The following DARS2 variants were observed in gnomAD, a reference collection of about 807,000 sequenced individuals.
The protein encoded by DARS2 is aspartate--tRNA ligase, mitochondrial.
In DARS2, 63 loss-of-function variants were observed where a neutral mutation model predicts 83.0. The observed-to-expected ratio is 0.76, with a 90% confidence interval of 0.62 to 0.94. DARS2 has a LOEUF of 0.94. DARS2 is among the 40% of genes least tolerant of loss of function. The pLI is 0.00. For missense variants in DARS2, 675 were observed against 774.4 expected, an observed-to-expected ratio of 0.87 and a Z score of 1.52; for synonymous variants, 250 against 269.3, an observed-to-expected ratio of 0.93 and a Z score of 0.70.
intron 14 of DARS2, 56 bp downstream of exon 14, chr1:173,853,623 T>G: frequency 1.3e-6 from 2 of 1,597,124 alleles, no homozygotes; most frequent in Non-Finnish European, 1.7e-6. Flanking sequence ...GGCAAAGAAC[T>G]TCAGACTTCA....
At chr1:173,852,156 GT>G in intron 13 of DARS2, 1 of 985,372 alleles carries the variant, frequency 1.0e-6, no homozygotes, top group African/African-American at 1.7e-5. Context: ...TTATGTAGAC[GT>G]AAATGTAAGA....
Position 173,839,409 on chromosome 1 carries a change from A to C in DARS2, c.883A>C (p.Ser295Arg). 6.2e-7 allele frequency: 1 copy of C among 1,614,174 alleles called. No individual in the cohort carries two copies. Among genetic ancestry groups the C allele is most frequent in the East Asian group, 2.2e-5 (1 of 44,878 alleles). Residue 295 changes from serine (S) to arginine (R), a missense_variant, in exon 10 of 17, where the codon AGT (serine) becomes CGT (arginine). Transcript: ENST00000649689. ...MSFVDQTGIQ[S>R]LIEGLLQYSW... is the part of the protein sequence containing the mutation. Reference sequence around the variant, plus strand: ...ATTTGTAGACCAGACTGGGATCCAGAGTTTAATTGAGGGTTTGCTCCAGTA... The same window carrying C: ...ATTTGTAGACCAGACTGGGATCCAGCGTTTAATTGAGGGTTTGCTCCAGTA...
At chr1:173,856,827 G>A in intron 16 of DARS2, 86 bp downstream of exon 16, 2 of 1,076,656 alleles carry the variant, frequency 1.9e-6, no homozygotes, top group Non-Finnish European at 2.8e-6. Context: ...GGTAGAGGTG[G>A]AAGGATGAGT....
At chr1:173,838,050 G>A in intron 8 of DARS2, 140 bp from the exon 9 acceptor site, 1 of 712,980 alleles carries the variant, frequency 1.4e-6, no homozygotes, top group East Asian at 2.8e-5. Flanking sequence ...TGGGATTATA[G>A]GTATGAGCCG....
intron 4 of DARS2, 44 bp downstream of exon 4, chr1:173,830,805 A>G (rs750298070): frequency 4.9e-5 from 71 of 1,445,224 alleles, no homozygotes; most frequent in Non-Finnish European, 6.3e-5. Context: ...GCTTGTATGC[A>G]TTTGCACCAT....
Position 173,852,155 on chromosome 1 carries a change from C to T in DARS2, c.1345-1194C>T, listed in dbSNP as rs1010065272. ...TCACAATGAAGGTCCGTTATGTAGACGTAAATGTAAGATAGAATGGGCTGC... is the reference window on the plus strand; with the variant it reads ...TCACAATGAAGGTCCGTTATGTAGATGTAAATGTAAGATAGAATGGGCTGC... On this transcript the variant is annotated intron_variant, in intron 13 of 16. Transcript: ENST00000649689. The T allele has an allele frequency of 4.8e-5, 47 of 985,334 alleles. No individual in the cohort carries two copies. In the Middle Eastern group the frequency reaches 2.1e-3, roughly 44 times the overall value. The allele number at this position is 985,334 out of a possible 1,614,324, so 61.0% of individuals were successfully genotyped here.
chr1:173,855,639 A>T (rs1653831021), intron 15 of DARS2, among the ~76,000 whole-genome samples: 2 of 150,866 alleles, frequency 1.3e-5, no homozygotes, highest in South Asian at 2.1e-4. Flanking sequence ...TCATTGTCAA[A>T]CTTTTCAAGA....
In DARS2 at chr1:173,840,956, T is replaced by C; in HGVS notation, c.1111T>C (p.Cys371Arg). The change falls in exon 11 of 17, where the codon TGT (cysteine) becomes CGT (arginine). Residue 371 changes from cysteine (C) to arginine (R), a missense_variant. Coordinates refer to ENST00000649689, the MANE Select transcript of DARS2 (RefSeq NM_018122.5). Reference sequence around the variant, plus strand: ...GCCCCATGGAACTGTGAAAGCCATATGTATCCCTGAAGGAGCAGTAAGTGA... The same window carrying C: ...GCCCCATGGAACTGTGAAAGCCATACGTATCCCTGAAGGAGCAGTAAGTGA... ...SKPHGTVKAI[C>R]IPEGAKYLKR... is the part of the protein sequence containing the mutation. 1 of 1,604,404 alleles carries C rather than the reference T, an allele frequency of 6.2e-7. No individual in the cohort carries two copies.
chr1:173,831,215 CT>C (rs375672090), intron 4 of DARS2, among the ~76,000 whole-genome samples: 219 of 139,072 alleles, frequency 1.6e-3, no homozygotes, highest in East Asian at 1.8e-3. Flanking sequence ...GTGCCTGGCC[CT>C]TTTTTTTTTT....
Position 173,826,731 on chromosome 1 carries a change from C to A in DARS2, c.172C>A (p.Arg58Ser). The change falls in exon 2 of 17, where the codon CGT (arginine) becomes AGT (serine). Residue 58 changes from arginine (R) to serine (S), a missense_variant. Transcript: ENST00000649689. ...CCGGACCAACACATGTGGAGAGTTG[C>A]GTTCGTCTCACTTAGGCCAAGAAGT... ...VVRTNTCGEL[R>S]SSHLGQEVTL... 1.2e-6 allele frequency: 2 copies of A among 1,610,080 alleles called. No individual in the cohort carries two copies. The highest frequency in any genetic ancestry group is 4.5e-5 in the East Asian group (2 of 44,796).
Position 173,826,739 on chromosome 1 carries a change from T to G in DARS2, c.180T>G (p.Ser60=). The G allele has an allele frequency of 6.2e-7, 1 of 1,613,586 alleles. No individual in the cohort carries two copies. The highest frequency in any genetic ancestry group is 1.1e-5 in the South Asian group (1 of 91,056). Reference sequence around the variant, plus strand: ...ACACATGTGGAGAGTTGCGTTCGTCTCACTTAGGCCAAGAAGTCACCTTGT... The same window carrying G: ...ACACATGTGGAGAGTTGCGTTCGTCGCACTTAGGCCAAGAAGTCACCTTGT... ...RTNTCGELRS[S]HLGQEVTLCG... Residue 60 remains serine (S), a synonymous_variant, in exon 2 of 17, where the codon TCT becomes TCG. Transcript: ENST00000649689.
At chr1:173,846,158 A>G (rs565960094) in intron 12 of DARS2, among the ~76,000 whole-genome samples, 50 of 143,142 alleles carry the variant, frequency 3.5e-4, no homozygotes, top group African/African-American at 1.3e-3. Flanking sequence ...ACTCTGTCTC[A>G]AAAAAAAAAA....
chr1:173,835,976 G>A lies in DARS2; in HGVS notation c.664-964G>A, dbSNP rs569522761. Among the ~76,000 whole-genome samples, 46 of 151,676 alleles carry A rather than the reference G, an allele frequency of 3.0e-4. 1 individual carries two copies. Among genetic ancestry groups the A allele is most frequent in the African/African-American group, 1.1e-3 (45 of 41,348 alleles). ...GGAGGCTGAGACAGGAGAATTGCTTGAACCCAGGAGGCAGAGGTTGTAATG... is the reference window on the plus strand; with the variant it reads ...GGAGGCTGAGACAGGAGAATTGCTTAAACCCAGGAGGCAGAGGTTGTAATG... On this transcript the variant is annotated intron_variant, in intron 7 of 16. Transcript: ENST00000649689.
intron 11 of DARS2, among the ~76,000 whole-genome samples, chr1:173,844,273 A>G (rs1278766992): frequency 6.6e-6 from 1 of 152,204 alleles, no homozygotes; most frequent in Non-Finnish European, 1.5e-5. Context: ...TATTGATCTG[A>G]AAGTTTTCTT....
intron 15 of DARS2, among the ~76,000 whole-genome samples, chr1:173,855,416 T>C (rs1427034575): frequency 3.3e-5 from 5 of 152,120 alleles, no homozygotes; most frequent in African/African-American, 1.2e-4. Flanking sequence ...TCTGTTAACT[T>C]TTCTCCTGCC....
At chr1:173,837,259 G>A (rs1238560449) in intron 8 of DARS2, among the ~76,000 whole-genome samples, 6 of 148,424 alleles carry the variant, frequency 4.0e-5, no homozygotes, top group African/African-American at 1.5e-4. Context: ...GGTAGTAGAT[G>A]TGAGAGGGGA....
At chr1:173,835,987 G>T (rs1022614859) in intron 7 of DARS2, among the ~76,000 whole-genome samples, 1 of 151,928 alleles carries the variant, frequency 6.6e-6, no homozygotes, top group Admixed American at 6.6e-5. Flanking sequence ...AACCCAGGAG[G>T]CAGAGGTTGT....
At chr1:173,857,429 AAAGTTTTCTACAACTTTT>A in intron 16 of DARS2, 71 bp from the exon 17 acceptor site, 2 of 1,360,440 alleles carry the variant, frequency 1.5e-6, no homozygotes. Context: ...TTCTTATTTA[AAAGTTTTCTACAACTTTT>A]ATAGAAAAAC....
chr1:173,827,275 A>G (rs1018063966), intron 2 of DARS2, among the ~76,000 whole-genome samples: 1 of 152,238 alleles, frequency 6.6e-6, no homozygotes, highest in African/African-American at 2.4e-5. Flanking sequence ...ATTCCAGAAC[A>G]TGCCTGAATA....
Sources: gnomAD v4.1 joint callset for allele counts (sites outside exome capture counted in the v4.1 genomes callset) on GRCh38, gnomAD v4.1.1 for gene constraint, MANE v1.5 for transcripts, NCBI Gene and HGNC (gene_info 2026-07-23, HGNC 2026-07-21) for gene names.